The following COL5A3 variants were observed in gnomAD, a reference collection of about 807,000 sequenced individuals.
The protein encoded by COL5A3 is collagen alpha-3(V) chain.
Under a neutral mutation model 250.0 loss-of-function variants are expected in COL5A3, and 172 were observed. That is an observed-to-expected ratio of 0.69 (90% confidence interval 0.61 to 0.78). The LOEUF (loss-of-function observed/expected upper bound fraction) is 0.78, where lower values mean the gene tolerates loss of function less well. Among genes scored for constraint, COL5A3 ranks in the 30% least tolerant of loss-of-function variants. COL5A3 has a pLI of 0.00. For synonymous variants in COL5A3, 937 were observed against 900.4 expected (o/e 1.04, Z -0.73); for missense variants, 2,340 against 2,334.4 (o/e 1.00, Z -0.05).
chr19:9,963,375 C>T (rs1292545537), intron 64 of COL5A3, among the ~76,000 whole-genome samples: 1 of 150,894 alleles, frequency 6.6e-6, no homozygotes, highest in Admixed American at 6.6e-5. Flanking sequence ...GGCATGTACC[C>T]CCATGCCCAG....
chr19:9,986,165 A>G (rs2087096745), intron 30 of COL5A3, 150 bp downstream of exon 30: 1 of 634,402 alleles, frequency 1.6e-6, no homozygotes, highest in Non-Finnish European at 2.7e-6. Flanking sequence ...CATGCATTAA[A>G]TTGCTCTGTA....
chr19:10,004,083 C>T lies in COL5A3; in HGVS notation c.657G>A (p.Arg219=), dbSNP rs76321360. The part of the protein sequence containing the change: ...DPQAAFQACE[R]YLPDCDNLAP... ...CCAGGTTGTCACAGTCGGGGAGGTA[C>T]CGCTCACAAGCCTGGAAGGCAGCCT... The change falls in exon 5 of 67, where the codon CGG becomes CGA. Residue 219 remains arginine, a synonymous_variant. Transcript: ENST00000264828. 0.049 allele frequency: 79,815 copies of T among 1,613,834 alleles called. 2,301 individuals are homozygous for T. Among genetic ancestry groups the T allele is most frequent in the Non-Finnish European group, 0.058 (68,057 of 1,179,798 alleles).
At chr19:9,974,835 G>A (rs2086897615) in intron 45 of COL5A3, among the ~76,000 whole-genome samples, 1 of 152,252 alleles carries the variant, frequency 6.6e-6, no homozygotes, top group South Asian at 2.1e-4. Context: ...CTGGGTCAGG[G>A]CTTGGTTAAG....
intron 37 of COL5A3, 26 bp downstream of exon 37, chr19:9,979,813 G>T: frequency 6.4e-7 from 1 of 1,566,334 alleles, no homozygotes; most frequent in Non-Finnish European, 8.7e-7. Context: ...AAAGGATCAG[G>T]AATCAAAGGT....
In COL5A3 at chr19:9,969,836, G is replaced by A. The variant is rs762705600; in HGVS notation, c.3990+33C>T. 5.0e-6 allele frequency: 8 copies of A among 1,612,370 alleles called. No individual in the cohort carries two copies. In the Admixed American group the frequency reaches 1.3e-4, roughly 27 times the overall value. Reference sequence around the variant, plus strand: ...GGCCCCACTGTTGGCCTAGAGTAGTGCAGGGACCCTTCCCCTTGCCAGGGG... The same window carrying A: ...GGCCCCACTGTTGGCCTAGAGTAGTACAGGGACCCTTCCCCTTGCCAGGGG... On this transcript the variant is annotated intron_variant, in intron 55 of 66. Coordinates refer to ENST00000264828, the MANE Select transcript of COL5A3 (RefSeq NM_015719.4).
chr19:10,003,884 C>T (rs758138692), intron 5 of COL5A3, among the ~76,000 whole-genome samples, 157 bp downstream of exon 5: 4 of 152,192 alleles, frequency 2.6e-5, no homozygotes, highest in Non-Finnish European at 4.4e-5. Context: ...AGGAATATGA[C>T]TTGAGGTCAA....
chr19:9,966,155 T>A (rs960663882), intron 64 of COL5A3, among the ~76,000 whole-genome samples, 159 bp downstream of exon 64: 16 of 152,184 alleles, frequency 1.1e-4, no homozygotes, highest in African/African-American at 3.6e-4. Context: ...TTTGATCCTC[T>A]GCTGTAGTCC....
chr19:9,984,702 G>A (rs1047493951), intron 31 of COL5A3, among the ~76,000 whole-genome samples: 3 of 152,042 alleles, frequency 2.0e-5, no homozygotes, highest in African/African-American at 4.8e-5. Flanking sequence ...CTGTTTCACC[G>A]CAGAGAAAAC....
At chr19:9,996,000 C>G (rs1030960445) in intron 15 of COL5A3, 66 bp downstream of exon 15, 1 of 1,414,666 alleles carries the variant, frequency 7.1e-7, no homozygotes, top group African/African-American at 1.4e-5. Context: ...CCATCCAGCA[C>G]TGTATCTTGT....
intron 1 of COL5A3, among the ~76,000 whole-genome samples, chr19:10,007,699 G>A (rs66516040): frequency 0.17 from 26,541 of 152,018 alleles, 2,452 homozygotes; most frequent in Middle Eastern, 0.24. Flanking sequence ...GAGCTGGGGC[G>A]GGGGGGCTAA....
intron 37 of COL5A3, 107 bp downstream of exon 37, chr19:9,979,732 G>C: frequency 9.2e-7 from 1 of 1,085,202 alleles, no homozygotes. Context: ...GTTGCAGTGA[G>C]CCGAGATTGC....
rs571276526 is a variant in COL5A3, at chr19:9,972,904, C to T, written c.3774+15G>A. The T allele has an allele frequency of 4.3e-4, 668 of 1,551,780 alleles. 12 individuals are homozygous for T. In the South Asian group the frequency reaches 7.6e-3, roughly 18 times the overall value. ...CCCCCTCCCATGTCTGCCCCCACTT[C>T]CCCCCAGGACTCACCACGCTCCCTT... On this transcript the variant is annotated intron_variant, in intron 51 of 66. Transcript: ENST00000264828.
rs780738730 is a variant in COL5A3, at chr19:9,973,896, C to T, written c.3558+23G>A. 5 of 1,591,736 alleles carry T rather than the reference C, an allele frequency of 3.1e-6. No individual in the cohort carries two copies. The Admixed American group carries it at 6.9e-5, about 22-fold the overall frequency. The stretch of plus-strand genomic sequence containing the variant: ...ATGGTTGTCCCCATCTCTGAGCCTT[C>T]CTGGCCCCCCAAGAGTTCTCACCTC... On this transcript the variant is annotated intron_variant, in intron 48 of 66. Coordinates refer to ENST00000264828, the MANE Select transcript of COL5A3 (RefSeq NM_015719.4).
At chr19:9,981,065 G>A (rs1399513019) in intron 33 of COL5A3, 23 bp downstream of exon 33, 1 of 1,612,070 alleles carries the variant, frequency 6.2e-7, no homozygotes, top group East Asian at 2.2e-5. Context: ...CAGCAGGGTA[G>A]GGGGCACTGT....
chr19:10,002,330 G>A (rs2087376226), intron 6 of COL5A3, among the ~76,000 whole-genome samples: 3 of 152,042 alleles, frequency 2.0e-5, no homozygotes, highest in Non-Finnish European at 4.4e-5. Context: ...GGACAAGGCT[G>A]AGGAAGGGGC....
chr19:10,009,277 C>T lies in COL5A3; in HGVS notation c.88+1021G>A, dbSNP rs1180566165. ...TCTAGGGTCTCTCAGATCAGGGAAG[C>T]CCCATCTCCAACACTTGAGAAGCTA... On this transcript the variant is annotated intron_variant, in intron 1 of 66. Transcript: ENST00000264828. This position sits in a 1 kb window ranked among gnomAD's most constrained non-coding sequence, Gnocchi z 4.4. Among the ~76,000 whole-genome samples, 3 of 151,758 alleles carry T rather than the reference C, an allele frequency of 2.0e-5. No homozygotes were observed. The highest frequency in any genetic ancestry group is 4.4e-5 in the Non-Finnish European group (3 of 67,964).
At chr19:9,986,819 C>A in intron 27 of COL5A3, 61 bp from the exon 28 acceptor site, 2 of 1,580,014 alleles carry the variant, frequency 1.3e-6, no homozygotes, top group Non-Finnish European at 1.7e-6. Context: ...GACCCAGACT[C>A]AGTCCCCTGC....
chr19:9,998,231 T>TGC (rs2087301710), intron 8 of COL5A3, 82 bp from the exon 9 acceptor site: 2 of 1,231,680 alleles, frequency 1.6e-6, no homozygotes, highest in East Asian at 2.3e-5. Context: ...CACACACACT[T>TGC]GCACACACAC....
intron 31 of COL5A3, 21 bp downstream of exon 31, chr19:9,985,821 C>G (rs1325545640): frequency 2.5e-6 from 4 of 1,606,442 alleles, no homozygotes; most frequent in Non-Finnish European, 3.4e-6. Context: ...CCATCTCCAC[C>G]CCCCACCCCC....
Sources: allele counts gnomAD v4.1 joint callset (sites outside exome capture counted in the v4.1 genomes callset), GRCh38; gene constraint gnomAD v4.1.1; non-coding constraint Gnocchi (gnomAD v3.1); transcripts MANE v1.5; gene names NCBI Gene and HGNC (gene_info 2026-07-23, HGNC 2026-07-21).